The following PIKFYVE variants were observed in gnomAD, a reference collection of about 807,000 sequenced individuals.
PIKFYVE encodes phosphoinositide kinase, FYVE-type zinc finger containing.
PIKFYVE carries 122 observed loss-of-function variants against 257.9 expected under a neutral mutation model. That is an observed-to-expected ratio of 0.47 (90% CI 0.41 to 0.55). The LOEUF (loss-of-function observed/expected upper bound fraction) is 0.55, where lower values mean the gene tolerates loss of function less well. Among genes scored for constraint, PIKFYVE ranks in the 20% least tolerant of loss-of-function variants. The probability of loss-of-function intolerance (pLI) is 0.00; values close to 1 mark genes in which losing one functional copy is unlikely to be tolerated. For synonymous variants in PIKFYVE, 892 were observed against 868.9 expected, an observed-to-expected ratio of 1.03 and a Z score of -0.47; for missense variants, 2,160 against 2,536.6, an observed-to-expected ratio of 0.85 and a Z score of 3.19.
chr2:208,315,175 C>T lies in PIKFYVE; in HGVS notation c.1827-18C>T. On this transcript the variant is annotated intron_variant, in intron 14 of 41. Transcript: ENST00000264380. The stretch of plus-strand genomic sequence containing the variant: ...CAGTATTAACTATGCAAACTTCTTT[C>T]TTATAATATTTTTGTAGTTCAGCTA... 1.9e-6 allele frequency: 3 copies of T among 1,605,336 alleles called. No individual in the cohort carries two copies. The highest frequency in any genetic ancestry group is 2.6e-6 in the Non-Finnish European group (3 of 1,172,646).
At chr2:208,267,821 C>G (rs2124924091) in intron 1 of PIKFYVE, among the ~76,000 whole-genome samples, 1 of 152,124 alleles carries the variant, frequency 6.6e-6, no homozygotes, top group South Asian at 2.1e-4. Flanking sequence ...CTCCCTCGCC[C>G]AGGCTGGAGT....
intron 32 of PIKFYVE, among the ~76,000 whole-genome samples, chr2:208,344,705 C>G (rs1340691251): frequency 3.0e-5 from 2 of 67,086 alleles, no homozygotes; most frequent in African/African-American, 8.7e-5. Flanking sequence ...GTTAATAGAA[C>G]ATTAAACATT....
rs571446112 is a variant in PIKFYVE, at chr2:208,325,737, C to T, written c.2926C>T (p.Pro976Ser). The T allele has an allele frequency of 6.8e-6, 11 of 1,613,242 alleles. No homozygotes were observed. Among genetic ancestry groups the T allele is most frequent in the Non-Finnish European group, 9.3e-6 (11 of 1,179,486 alleles). ...CCCTTGTGCTTTCTTTGCACCTGTA[C>T]CGGAATCATTGTTGCCACTCCCTGT... ...GLPCAFFAPV[P>S]ESLLPLPVDD... The change falls in exon 20 of 42, where the codon CCG becomes TCG. Residue 976 changes from proline to serine, a missense_variant. Pro to Ser is a moderately conservative substitution (Grantham distance 74). Around this residue, in one of 12 missense-constraint regions of PIKFYVE, gnomAD observed 522 missense variants for 514.6 expected, o/e 1.01. Coordinates refer to ENST00000264380, the MANE Select transcript of PIKFYVE (RefSeq NM_015040.4).
In PIKFYVE at chr2:208,355,593, A is replaced by G; in HGVS notation, c.*288A>G. 1 of 311,012 alleles carries G rather than the reference A, an allele frequency of 3.2e-6. No homozygotes were observed. The highest frequency in any genetic ancestry group is 6.1e-6 in the Non-Finnish European group (1 of 164,554). 19.3% of individuals were successfully genotyped at this position (311,012 alleles called of 1,614,324 possible). ...GGGCTAAAGTTGGAGATGAGTAGAT[A>G]GGGTGAAAAATGGGTTAAATTTGCT... On this transcript the variant is annotated 3_prime_UTR_variant, in exon 42 of 42. Coordinates refer to ENST00000264380, the MANE Select transcript of PIKFYVE (RefSeq NM_015040.4).
intron 12 of PIKFYVE, among the ~76,000 whole-genome samples, chr2:208,307,568 A>G (rs1169082798): frequency 1.3e-5 from 1 of 78,460 alleles, no homozygotes; most frequent in Non-Finnish European, 2.4e-5. Flanking sequence ...ATAGTGATAG[A>G]TACATTTTTT....
intron 24 of PIKFYVE, among the ~76,000 whole-genome samples, chr2:208,334,177 C>T (rs1161213158): frequency 6.6e-6 from 1 of 152,196 alleles, no homozygotes; most frequent in Non-Finnish European, 1.5e-5. Context: ...TCTACCACTA[C>T]CACTTTGGGC....
Position 208,288,799 on chromosome 2 carries a change from A to G in PIKFYVE, c.892A>G (p.Lys298Glu), listed in dbSNP as rs1461390579. Residue 298 changes from lysine (K) to glutamate (E), a missense_variant, in exon 7 of 42, where the codon AAA (lysine) becomes GAA (glutamate). Coordinates refer to ENST00000264380, the MANE Select transcript of PIKFYVE (RefSeq NM_015040.4). ...TGTATCTGTGCAAGAGGATGCTGGG[A>G]AATCTCCTGCTCGAAATAGGTAAAC... ...RLVSVQEDAG[K>E]SPARNRSASI... 1.2e-6 allele frequency: 2 copies of G among 1,614,094 alleles called. No homozygotes were observed.
chr2:208,336,006 T>C, intron 26 of PIKFYVE, 40 bp from the exon 27 acceptor site: 1 of 1,612,564 alleles, frequency 6.2e-7, no homozygotes, highest in South Asian at 1.1e-5. Context: ...GGTATGTCTG[T>C]ATAGTGTCTG....
intron 3 of PIKFYVE, 138 bp from the exon 4 acceptor site, chr2:208,276,574 A>T: frequency 3.5e-5 from 26 of 733,564 alleles, no homozygotes; most frequent in Non-Finnish European, 5.8e-5. Context: ...ACTTGTTTTA[A>T]CTCTCAATTC....
chr2:208,323,086 T>C (rs1288217904), intron 17 of PIKFYVE, among the ~76,000 whole-genome samples: 1 of 149,766 alleles, frequency 6.7e-6, no homozygotes, highest in Non-Finnish European at 1.5e-5. Context: ...TTCTTTTTTA[T>C]TTTTATTTTA....
chr2:208,313,511 C>T (rs1417494229), intron 13 of PIKFYVE, among the ~76,000 whole-genome samples: 2 of 151,632 alleles, frequency 1.3e-5, no homozygotes, highest in Non-Finnish European at 2.9e-5. Context: ...CTTGAAAATT[C>T]ATCACTCTCG....
At chr2:208,271,817 A>G in intron 2 of PIKFYVE, 126 bp downstream of exon 2, 2 of 886,990 alleles carry the variant, frequency 2.3e-6, no homozygotes, top group Non-Finnish European at 3.5e-6. Flanking sequence ...CTGGGTCTGT[A>G]AGAAAGTGAA....
At chr2:208,321,580 T>C (rs4021433) in intron 17 of PIKFYVE, among the ~76,000 whole-genome samples, 6 of 1,952 alleles carry the variant, frequency 3.1e-3, no homozygotes, top group Non-Finnish European at 0.011. Flanking sequence ...CTTTTGTTTT[T>C]TTTTTTTTTT....
At chr2:208,322,338 A>C (rs1430001538) in intron 17 of PIKFYVE, among the ~76,000 whole-genome samples, 16 of 141,036 alleles carry the variant, frequency 1.1e-4, no homozygotes, top group East Asian at 2.1e-4. Flanking sequence ...GCACCTCTGC[A>C]CTCCAGCCTG....
chr2:208,301,235 T>C, intron 9 of PIKFYVE, 141 bp downstream of exon 9: 1 of 1,065,544 alleles, frequency 9.4e-7, no homozygotes, highest in Non-Finnish European at 1.4e-6. Flanking sequence ...GGGTGCTAAT[T>C]ACTTAACCCT....
intron 21 of PIKFYVE, among the ~76,000 whole-genome samples, chr2:208,328,843 G>T (rs1697221333): frequency 6.6e-6 from 1 of 152,144 alleles, no homozygotes. Flanking sequence ...AGATTTTGGA[G>T]CATTTTGGAT....
Position 208,326,138 on chromosome 2 carries a change from T to C in PIKFYVE, c.3327T>C (p.Asp1109=). The change falls in exon 20 of 42, where the codon GAT becomes GAC. Residue 1109 remains aspartate (D), a synonymous_variant. Transcript: ENST00000264380. The part of the protein sequence containing the change: ...ENRRKKQLLR[D]LSGLQGMNGS... Reference sequence around the variant, plus strand: ...GGAGGAAGAAACAGCTGCTCAGGGATCTCTCTGGACTTCAGGGCATGAATG... The same window carrying C: ...GGAGGAAGAAACAGCTGCTCAGGGACCTCTCTGGACTTCAGGGCATGAATG... 1 of 1,614,128 alleles carries C rather than the reference T, an allele frequency of 6.2e-7. No homozygotes were observed. Among genetic ancestry groups the C allele is most frequent in the South Asian group, 1.1e-5 (1 of 91,084 alleles).
intron 12 of PIKFYVE, among the ~76,000 whole-genome samples, chr2:208,308,084 A>G (rs1694541017): frequency 6.6e-6 from 1 of 152,202 alleles, no homozygotes; most frequent in African/African-American, 2.4e-5. Flanking sequence ...CAAACTAATG[A>G]ACATATTCAT....
At chr2:208,314,516 T>C (rs1695261468) in intron 14 of PIKFYVE, 93 bp downstream of exon 14, 1 of 1,348,316 alleles carries the variant, frequency 7.4e-7, no homozygotes. Flanking sequence ...AAAAGGGAGG[T>C]CTTTTTCTTT....
Sources: allele counts gnomAD v4.1 joint callset (sites outside exome capture counted in the v4.1 genomes callset), GRCh38; gene constraint gnomAD v4.1.1; regional missense constraint gnomAD v4.1.1; transcripts MANE v1.5; gene names NCBI Gene and HGNC (gene_info 2026-07-23, HGNC 2026-07-21).